UBE2D3: variants seen among roughly 807,000 people sequenced by gnomAD.
UBE2D3 encodes ubiquitin-conjugating enzyme E2 D3.
A neutral mutation model predicts 22.8 loss-of-function variants in UBE2D3; 2 were observed. That is an observed-to-expected ratio of 0.09 (90% CI 0.04 to 0.28). The LOEUF (loss-of-function observed/expected upper bound fraction) is 0.28. Among genes scored for constraint, UBE2D3 ranks in the 10% least tolerant of loss-of-function variants. UBE2D3 has a pLI of 1.00. For missense variants in UBE2D3, 27 were observed against 182.5 expected, an observed-to-expected ratio of 0.15 and a Z score of 4.91; for synonymous variants, 56 against 60.4, an observed-to-expected ratio of 0.93 and a Z score of 0.34.
At chr4:102,835,910 T>C (rs1401805129) in intron 1 of UBE2D3, among the ~76,000 whole-genome samples, 1 of 152,108 alleles carries the variant, frequency 6.6e-6, no homozygotes, top group Non-Finnish European at 1.5e-5. Flanking sequence ...AGGACACCTC[T>C]GATCTATTTT....
intron 1 of UBE2D3, among the ~76,000 whole-genome samples, chr4:102,862,582 T>C (rs183615349): frequency 6.6e-6 from 1 of 152,366 alleles, no homozygotes. Context: ...ACATCCTCTA[T>C]TAGCTTTCTG....
At chr4:102,840,932 G>A (rs1224462345) in intron 1 of UBE2D3, among the ~76,000 whole-genome samples, 2 of 151,762 alleles carry the variant, frequency 1.3e-5, no homozygotes, top group African/African-American at 4.8e-5. Flanking sequence ...CAGGAGAATC[G>A]CTTGAACCCA....
chr4:102,843,287 A>G (rs1048415834), intron 1 of UBE2D3: 1 of 151,998 alleles, frequency 6.6e-6, no homozygotes, highest in East Asian at 1.9e-4. Context: ...TTCCTTAGCC[A>G]TGATTTTGTT....
chr4:102,836,553 A>T (rs1159661167), intron 1 of UBE2D3, among the ~76,000 whole-genome samples: 1 of 152,200 alleles, frequency 6.6e-6, no homozygotes, highest in African/African-American at 2.4e-5. Flanking sequence ...TTAGGAGTGG[A>T]ATAGCTAGAT....
Position 102,843,104 on chromosome 4 carries a change from C to T in UBE2D3, c.-128-16468G>A, listed in dbSNP as rs191385310. ...CAGCGTGGGCAACAGAATAAGACTC[C>T]GTCTCAAAATTACCAGTTTTGAGTG... On this transcript the variant is annotated intron_variant, in intron 1 of 7. Coordinates refer to the UBE2D3 transcript ENST00000338145. 1.3e-3 allele frequency among the ~76,000 whole-genome samples: 192 copies of T among 152,176 alleles called. 1 individual carries two copies. Among genetic ancestry groups the T allele is most frequent in the East Asian group, 5.6e-3 (29 of 5,158 alleles).
At chr4:102,868,746 C>G in exon 1 of UBE2D3, 2 of 1,614,128 alleles carry the variant, frequency 1.2e-6, no homozygotes, top group Non-Finnish European at 1.7e-6. Flanking sequence ...AGAAAGCATT[C>G]TCACATGCTT....
chr4:102,849,279 G>A (rs968863939), intron 1 of UBE2D3, among the ~76,000 whole-genome samples: 3 of 147,364 alleles, frequency 2.0e-5, no homozygotes, highest in East Asian at 2.0e-4. Flanking sequence ...TAGGAGGATC[G>A]CCTGAGCCCA....
intron 1 of UBE2D3, chr4:102,827,017 A>C (rs1360141449): frequency 6.0e-6 from 6 of 993,420 alleles, no homozygotes; most frequent in Non-Finnish European, 7.2e-6. Context: ...CTCCGGACGG[A>C]CGCCGGGCTG....
chr4:102,808,921 T>C lies in UBE2D3; in HGVS notation c.120+751A>G, dbSNP rs554042295. On this transcript the variant is annotated intron_variant, in intron 4 of 7. Transcript: ENST00000453744. ...GACCATTATCTCACCTAGTACATTA[T>C]TGCTCTTTATGTTGCTTATAAAACC... 73 of 155,086 alleles carry C rather than the reference T, an allele frequency of 4.7e-4. No homozygotes were observed. In the South Asian group the frequency reaches 0.01, roughly 21 times the overall value. 9.6% of individuals were successfully genotyped at this position (155,086 alleles called of 1,614,324 possible).
chr4:102,852,315 A>T (rs928154243), intron 1 of UBE2D3, among the ~76,000 whole-genome samples: 1 of 152,246 alleles, frequency 6.6e-6, no homozygotes, highest in African/African-American at 2.4e-5. Flanking sequence ...CTATGAGAGA[A>T]AAAGAAATTT....
At chr4:102,823,798 A>G (rs1231134272) in intron 2 of UBE2D3, among the ~76,000 whole-genome samples, 1 of 152,268 alleles carries the variant, frequency 6.6e-6, no homozygotes, top group African/African-American at 2.4e-5. Context: ...GAAGCAAAGT[A>G]TAAATTCAAA....
rs943497247 is a variant in UBE2D3 at position 102,826,583 on chromosome 4, C to T, written c.-75G>A. 109 of 1,604,360 alleles carry T rather than the reference C, an allele frequency of 6.8e-5. No individual in the cohort carries two copies. In the Middle Eastern group the frequency reaches 1.0e-3, roughly 15 times the overall value. ...GTCCGGCCAAAACTCTTGATTATCC[C>T]GGCGGCGGGGCAGGATTGTCTCGTC... On this transcript the variant is annotated 5_prime_UTR_variant, in exon 2 of 8. Coordinates refer to ENST00000453744, the MANE Select transcript of UBE2D3 (RefSeq NM_181891.3).
At chr4:102,806,127 T>C (rs1339587635) in intron 4 of UBE2D3, among the ~76,000 whole-genome samples, 1 of 152,210 alleles carries the variant, frequency 6.6e-6, no homozygotes, top group Admixed American at 6.5e-5. Flanking sequence ...AAATCTATGA[T>C]AGTTTTTAAG....
rs932596730 is a variant in UBE2D3, at chr4:102,816,110, T to C, written c.25-6255A>G. 7.2e-5 allele frequency among the ~76,000 whole-genome samples: 11 copies of C among 152,348 alleles called. No homozygotes were observed. The South Asian group carries it at 8.3e-4, about 11-fold the overall frequency. On this transcript the variant is annotated intron_variant, in intron 2 of 7. Transcript: ENST00000453744. ...ATGCTCTTTGTAGCTAGCAGACATT[T>C]TGTCTACTCAATAAACCATCTTACT... is the stretch of plus-strand genomic sequence containing the variant.
chr4:102,812,613 G>A (rs1728208433), intron 2 of UBE2D3: 1 of 152,174 alleles, frequency 6.6e-6, no homozygotes, highest in Non-Finnish European at 1.5e-5. Flanking sequence ...AACAATGTAT[G>A]CACCAACAGT....
chr4:102,805,717 T>C (rs754867819), intron 4 of UBE2D3, among the ~76,000 whole-genome samples: 1 of 152,178 alleles, frequency 6.6e-6, no homozygotes, highest in Non-Finnish European at 1.5e-5. Context: ...AAAATTTGAG[T>C]TGCAAAATAT....
intron 1 of UBE2D3, among the ~76,000 whole-genome samples, chr4:102,866,679 A>C (rs1276028702): frequency 1.3e-5 from 2 of 152,262 alleles, no homozygotes; most frequent in African/African-American, 4.8e-5. Context: ...GCTTTAAAAA[A>C]ATTCTTTCCT....
At chr4:102,837,681 GT>G (rs1415725635) in intron 1 of UBE2D3, among the ~76,000 whole-genome samples, 1 of 152,120 alleles carries the variant, frequency 6.6e-6, no homozygotes, top group African/African-American at 2.4e-5. Context: ...GCTGGGCGCA[GT>G]GGCTCACGCC....
chr4:102,798,999 G>A, intron 7 of UBE2D3: 2 of 1,599,204 alleles, frequency 1.3e-6, no homozygotes, highest in East Asian at 4.5e-5. Context: ...AGTACACTTA[G>A]CATTAATTAT....
Sources: gnomAD v4.1 joint callset for allele counts (sites outside exome capture counted in the v4.1 genomes callset) on GRCh38, gnomAD v4.1.1 for gene constraint, MANE v1.5 for transcripts, NCBI Gene and HGNC (gene_info 2026-07-23, HGNC 2026-07-21) for gene names.